LRRC74A: variants seen among roughly 807,000 people sequenced by gnomAD.
LRRC74A encodes the protein leucine-rich repeat-containing protein 74A.
In LRRC74A, 44 loss-of-function variants were observed where a neutral mutation model predicts 57.9. That is an observed-to-expected ratio of 0.76 (90% CI 0.60 to 0.98). The LOEUF (loss-of-function observed/expected upper bound fraction) is 0.98. Among genes scored for constraint, LRRC74A ranks in the 50% least tolerant of loss-of-function variants. The pLI, the probability that LRRC74A is intolerant of heterozygous loss-of-function variation, is 0.00. For missense variants in LRRC74A, 572 were observed against 574.0 expected (o/e 1.00, Z 0.04); for synonymous variants, 211 against 219.4 (o/e 0.96, Z 0.34).
At chr14:76,863,185 A>AGTGTGTGTGTGTGTGTGTGTGT (rs112669509) in intron 11 of LRRC74A, among the ~76,000 whole-genome samples, 7 of 145,206 alleles carry the variant, frequency 4.8e-5, no homozygotes, top group African/African-American at 1.3e-4. Flanking sequence ...CATGCATGTG[A>AGTGTGTGTGTGTGTGTGTGTGT]GTGTGTGTGT....
intron 11 of LRRC74A, among the ~76,000 whole-genome samples, chr14:76,865,126 C>T (rs1238036967): frequency 6.6e-6 from 1 of 152,206 alleles, no homozygotes; most frequent in Admixed American, 6.5e-5. Context: ...AATTGCCTTG[C>T]AACGTGAGTA....
chr14:76,828,920 T>A (rs1019134128), intron 2 of LRRC74A: 2 of 678,410 alleles, frequency 2.9e-6, no homozygotes, highest in Middle Eastern at 1.5e-3. Context: ...GCCCCTGGAG[T>A]GTTTCTGTGG....
chr14:76,853,218 T>C lies in LRRC74A; in HGVS notation c.765T>C (p.Gly255=), dbSNP rs1566735300. 1 of 1,609,138 alleles carries C rather than the reference T, an allele frequency of 6.2e-7. No homozygotes were observed. ...GAVALCNGLR[G]NVTLTKLDLS... Reference sequence around the variant, plus strand: ...GCTGTTCTCCCCTCTTCCTGGAGGGTAATGTGACCCTGACAAAGCTGGATC... The same window carrying C: ...GCTGTTCTCCCCTCTTCCTGGAGGGCAATGTGACCCTGACAAAGCTGGATC... Residue 255 remains glycine (G), a splice_region_variant and synonymous_variant, in exon 9 of 14, where the codon GGT becomes GGC. Transcript: ENST00000689127.
At chr14:76,862,216 G>T (rs1303559650) in intron 11 of LRRC74A, among the ~76,000 whole-genome samples, 3 of 152,286 alleles carry the variant, frequency 2.0e-5, no homozygotes, top group Admixed American at 6.5e-5. Flanking sequence ...GATGGCTACA[G>T]TGACGACCCA....
At chr14:76,849,266 G>A (rs943652899) in intron 7 of LRRC74A, among the ~76,000 whole-genome samples, 12 of 151,852 alleles carry the variant, frequency 7.9e-5, no homozygotes, top group Admixed American at 2.0e-4. Flanking sequence ...AGCAATTCTC[G>A]TGCCTCAACC....
intron 3 of LRRC74A, among the ~76,000 whole-genome samples, chr14:76,835,606 G>A (rs1312196738): frequency 6.6e-6 from 1 of 152,046 alleles, no homozygotes; most frequent in Non-Finnish European, 1.5e-5. Flanking sequence ...GTACCAGAGC[G>A]AGGTGTGGTG....
chr14:76,852,140 C>T (rs1897541295), intron 7 of LRRC74A, among the ~76,000 whole-genome samples: 1 of 152,224 alleles, frequency 6.6e-6, no homozygotes, highest in Non-Finnish European at 1.5e-5. Context: ...ATTTCCTTCC[C>T]ACCTAAACTA....
At chr14:76,840,584 C>CTTTTT (rs34388699) in intron 5 of LRRC74A, among the ~76,000 whole-genome samples, 3 of 130,074 alleles carry the variant, frequency 2.3e-5, no homozygotes, top group Non-Finnish European at 3.2e-5. Context: ...TTATGTATTT[C>CTTTTT]TTTTTTTTTT....
chr14:76,847,858 T>A (rs916181852), intron 7 of LRRC74A, among the ~76,000 whole-genome samples: 1 of 151,812 alleles, frequency 6.6e-6, no homozygotes, highest in Non-Finnish European at 1.5e-5. Flanking sequence ...GGCAACATAG[T>A]GAGACCCACT....
chr14:76,867,334 C>T, intron 12 of LRRC74A, 22 bp from the exon 13 acceptor site: 1 of 1,293,294 alleles, frequency 7.7e-7, no homozygotes, highest in Admixed American at 1.7e-5. Context: ...ATTAACTGCA[C>T]ATGTTCCATC....
intron 13 of LRRC74A, 118 bp downstream of exon 13, chr14:76,867,556 G>A: frequency 1.7e-6 from 1 of 605,722 alleles, no homozygotes; most frequent in African/African-American, 1.9e-5. Flanking sequence ...CCACCTGCCT[G>A]TTCCCTGCAT....
At chr14:76,851,670 C>CT (rs35857490) in intron 7 of LRRC74A, among the ~76,000 whole-genome samples, 1,901 of 129,806 alleles carry the variant, frequency 0.015, 9 homozygotes, top group Non-Finnish European at 0.017. Flanking sequence ...ATAATTCTCA[C>CT]TTTTTTTTTT....
At chr14:76,830,815 T>A (rs1242559730) in intron 2 of LRRC74A, among the ~76,000 whole-genome samples, 1 of 152,210 alleles carries the variant, frequency 6.6e-6, no homozygotes, top group Non-Finnish European at 1.5e-5. Flanking sequence ...CCATCAAAAG[T>A]CATCCGCGTT....
chr14:76,869,047 T>C (rs1006875630), intron 13 of LRRC74A, among the ~76,000 whole-genome samples: 4 of 151,860 alleles, frequency 2.6e-5, no homozygotes, highest in African/African-American at 7.3e-5. Context: ...CCCACTCCTG[T>C]GCTGCTCAGC....
chr14:76,867,026 T>G (rs1182605807), intron 12 of LRRC74A, among the ~76,000 whole-genome samples: 1 of 5,474 alleles, frequency 1.8e-4, no homozygotes. Flanking sequence ...GTGTTGGGGG[T>G]GGGGTGTGTG....
At chr14:76,859,178 T>C (rs1159912055) in intron 10 of LRRC74A, among the ~76,000 whole-genome samples, 1 of 152,040 alleles carries the variant, frequency 6.6e-6, no homozygotes, top group Non-Finnish European at 1.5e-5. Flanking sequence ...TATTTCCCTC[T>C]CCCAGGCAGT....
intron 7 of LRRC74A, among the ~76,000 whole-genome samples, chr14:76,846,752 A>C (rs1358785864): frequency 6.6e-6 from 1 of 152,184 alleles, no homozygotes; most frequent in Non-Finnish European, 1.5e-5. Flanking sequence ...ACGTGGATGG[A>C]GACAACTCAG....
Position 76,836,293 on chromosome 14 carries a change from G to C in LRRC74A, c.426G>C (p.Glu142Asp). Residue 142 changes from glutamate to aspartate, a missense_variant, in exon 4 of 14, where the codon GAG becomes GAC. Physicochemically the swap from Glu to Asp is conservative, Grantham distance 45. Transcript: ENST00000689127. ...GVLSLVEMLQ[E>D]NYYLQEMNIS... ...TGAGCCTGGTGGAGATGCTACAAGA[G>C]AACTACTACCTCCAGGAGATGGTAC... 6.2e-7 allele frequency: 1 copy of C among 1,612,390 alleles called. No individual in the cohort carries two copies. Among genetic ancestry groups the C allele is most frequent in the Non-Finnish European group, 8.5e-7 (1 of 1,178,734 alleles).
chr14:76,867,824 G>A (rs976812089), intron 13 of LRRC74A, among the ~76,000 whole-genome samples: 1 of 152,206 alleles, frequency 6.6e-6, no homozygotes, highest in Non-Finnish European at 1.5e-5. Flanking sequence ...GCTCAGGCGG[G>A]AGGCGGCAAT....
Sources: gnomAD v4.1 joint callset for allele counts (sites outside exome capture counted in the v4.1 genomes callset) on GRCh38, gnomAD v4.1.1 for gene constraint, MANE v1.5 for transcripts, NCBI Gene and HGNC (gene_info 2026-07-23, HGNC 2026-07-21) for gene names.